ASIC2: variants seen among roughly 807,000 people sequenced by gnomAD.
ASIC2 encodes acid sensing ion channel subunit 2.
ASIC2 carries 25 observed loss-of-function variants against 57.3 expected under a neutral mutation model. That is an observed-to-expected ratio of 0.44 (90% CI 0.32 to 0.61). ASIC2 has a LOEUF of 0.61. Ranked by LOEUF, ASIC2 falls within the 20% of genes least tolerant of loss-of-function variation. The pLI, the probability that ASIC2 is intolerant of heterozygous loss-of-function variation, is 0.06. For missense variants in ASIC2, 641 were observed against 738.1 expected, an observed-to-expected ratio of 0.87 and a Z score of 1.52; for synonymous variants, 319 against 307.5, an observed-to-expected ratio of 1.04 and a Z score of -0.39.
intron 2 of ASIC2, among the ~76,000 whole-genome samples, chr17:33,090,587 G>T (rs1567740950): frequency 6.6e-6 from 1 of 152,178 alleles, no homozygotes; most frequent in Non-Finnish European, 1.5e-5. Flanking sequence ...ATAATGATGG[G>T]GTTGGGGGTC....
chr17:34,154,471 A>G (rs1177128403), intron 1 of ASIC2, among the ~76,000 whole-genome samples: 1 of 152,140 alleles, frequency 6.6e-6, no homozygotes, highest in Non-Finnish European at 1.5e-5. Flanking sequence ...ATAATACAAA[A>G]CAGCTCCTCC....
chr17:34,097,551 T>C (rs1250595393), intron 1 of ASIC2, among the ~76,000 whole-genome samples: 2 of 152,178 alleles, frequency 1.3e-5, no homozygotes, highest in African/African-American at 4.8e-5. Context: ...TGGGCTCCAT[T>C]TCAATAGGGC....
chr17:33,736,214 C>A (rs190809847), intron 1 of ASIC2, among the ~76,000 whole-genome samples: 26 of 151,964 alleles, frequency 1.7e-4, no homozygotes, highest in Admixed American at 1.1e-3. Flanking sequence ...TATTTTTCCT[C>A]CCACAATGAG....
intron 1 of ASIC2, among the ~76,000 whole-genome samples, chr17:33,484,235 T>C (rs1210654438): frequency 2.0e-5 from 3 of 152,216 alleles, no homozygotes; most frequent in Non-Finnish European, 4.4e-5. Context: ...ACTAATATAG[T>C]CCGACACATT....
chr17:33,032,475 G>A (rs915637848), intron 3 of ASIC2, among the ~76,000 whole-genome samples: 84 of 96,458 alleles, frequency 8.7e-4, no homozygotes, highest in African/African-American at 3.3e-3. Context: ...TTGAGACAAA[G>A]TCTCACTCTC....
chr17:34,096,506 T>C (rs1362307760), intron 1 of ASIC2, among the ~76,000 whole-genome samples: 1 of 152,104 alleles, frequency 6.6e-6, no homozygotes, highest in Non-Finnish European at 1.5e-5. Flanking sequence ...ACAGAGATGA[T>C]GCCATGATTT....
chr17:33,811,731 G>A (rs1311075448), intron 1 of ASIC2, among the ~76,000 whole-genome samples: 3 of 152,160 alleles, frequency 2.0e-5, no homozygotes, highest in Non-Finnish European at 4.4e-5. Flanking sequence ...TAATGAAGTA[G>A]CTGAGGCTGG....
At chr17:33,683,345 T>C (rs1597834146) in intron 1 of ASIC2, among the ~76,000 whole-genome samples, 1 of 152,162 alleles carries the variant, frequency 6.6e-6, no homozygotes, top group Admixed American at 6.5e-5. Context: ...GGATTACAGG[T>C]GTGAGCCACC....
At chr17:33,191,616 T>G (rs1906422478) in intron 1 of ASIC2, among the ~76,000 whole-genome samples, 1 of 145,860 alleles carries the variant, frequency 6.9e-6, no homozygotes, top group African/African-American at 2.5e-5. Flanking sequence ...GGGAGGAGAA[T>G]GAGGAGGAGG....
At chr17:33,459,209 CA>C (rs1912552765) in intron 1 of ASIC2, among the ~76,000 whole-genome samples, 1 of 152,020 alleles carries the variant, frequency 6.6e-6, no homozygotes, top group Non-Finnish European at 1.5e-5. Flanking sequence ...ATGGGGGCAG[CA>C]GTGAGTGATT....
chr17:33,816,413 T>C (rs76797968), intron 1 of ASIC2, among the ~76,000 whole-genome samples: 310 of 152,330 alleles, frequency 2.0e-3, no homozygotes, highest in African/African-American at 7.2e-3. Flanking sequence ...ATATATCATA[T>C]ATGTTAGCTC....
At chr17:33,872,752 A>G (rs923699923) in intron 1 of ASIC2, among the ~76,000 whole-genome samples, 3 of 152,154 alleles carry the variant, frequency 2.0e-5, no homozygotes, top group African/African-American at 7.2e-5. Flanking sequence ...GGAGGAGACG[A>G]GGGCAAAGGA....
At chr17:33,993,600 CTGTGAAAATTTGGCAAGCCACT>C (rs2142011178) in intron 1 of ASIC2, among the ~76,000 whole-genome samples, 1 of 152,346 alleles carries the variant, frequency 6.6e-6, no homozygotes, top group East Asian at 1.9e-4. Context: ...GAATTCATAG[CTGTGAAAATTTGGCAAGCCACT>C]TAGCTTCTCT....
intron 5 of ASIC2, among the ~76,000 whole-genome samples, chr17:33,024,445 C>T (rs921422129): frequency 3.3e-5 from 5 of 152,236 alleles, no homozygotes; most frequent in African/African-American, 1.2e-4. Flanking sequence ...GCCCCACCTT[C>T]TCTGCCTGGT....
intron 1 of ASIC2, among the ~76,000 whole-genome samples, chr17:34,059,966 C>G (rs1479890351): frequency 6.6e-6 from 1 of 152,214 alleles, no homozygotes; most frequent in African/African-American, 2.4e-5. Context: ...CCCTGCCCAC[C>G]ACCAGACCCC....
intron 1 of ASIC2, among the ~76,000 whole-genome samples, chr17:33,124,488 A>G (rs2092315855): frequency 6.6e-6 from 1 of 152,176 alleles, no homozygotes; most frequent in African/African-American, 2.4e-5. Context: ...GGCTGCCACT[A>G]TGGGTCCTTT....
chr17:34,074,369 G>A (rs555846360), intron 1 of ASIC2, among the ~76,000 whole-genome samples: 28 of 152,152 alleles, frequency 1.8e-4, no homozygotes, highest in Non-Finnish European at 3.4e-4. Context: ...TACAGGCACC[G>A]AGGCTCTGAC....
intron 1 of ASIC2, among the ~76,000 whole-genome samples, chr17:33,400,937 G>T (rs143054835): frequency 6.6e-6 from 1 of 152,282 alleles, no homozygotes; most frequent in African/African-American, 2.4e-5. Flanking sequence ...AAATCTCAGT[G>T]GATTCTCAGT....
chr17:33,789,649 T>C (rs1208955411), intron 1 of ASIC2, among the ~76,000 whole-genome samples: 1 of 147,676 alleles, frequency 6.8e-6, no homozygotes, highest in African/African-American at 2.5e-5. Context: ...TTTTCCACCA[T>C]GACTTCTCTT....
Sources: gnomAD v4.1 joint callset for allele counts (sites outside exome capture counted in the v4.1 genomes callset) on GRCh38, gnomAD v4.1.1 for gene constraint, MANE v1.5 for transcripts, NCBI Gene and HGNC (gene_info 2026-07-23, HGNC 2026-07-21) for gene names.